LIMCH1: variants seen among roughly 807,000 people sequenced by gnomAD.
LIMCH1 encodes LIM and calponin homology domains-containing protein 1.
A neutral mutation model predicts 176.5 loss-of-function variants in LIMCH1; 113 were observed. That is an observed-to-expected ratio of 0.64 (90% CI 0.55 to 0.75). The LOEUF is 0.75. LIMCH1 is among the 30% of genes least tolerant of loss of function. LIMCH1 has a pLI of 0.00. For missense variants in LIMCH1, 1,674 were observed against 1,814.9 expected (o/e 0.92, Z 1.41); for synonymous variants, 619 against 645.9 (o/e 0.96, Z 0.63).
upstream of LIMCH1, among the ~76,000 whole-genome samples, chr4:41,535,872 TC>T (rs1056805919): frequency 6.6e-6 from 1 of 152,122 alleles, no homozygotes; most frequent in Admixed American, 6.5e-5. Context: ...AGCTTTTTTT[TC>T]CCCAACTTCA....
At chr4:41,458,265 A>G (rs372792290) in intron 1 of LIMCH1, among the ~76,000 whole-genome samples, 52 of 152,350 alleles carry the variant, frequency 3.4e-4, no homozygotes, top group African/African-American at 1.0e-3. Context: ...CTTGCTTCCA[A>G]TTTATTTGCT....
At chr4:41,538,390 G>A (rs887262888) in intron 1 of LIMCH1, 40 bp downstream of exon 1, 1 of 967,178 alleles carries the variant, frequency 1.0e-6, no homozygotes, top group Non-Finnish European at 1.2e-6. Flanking sequence ...ATGCTTAGGG[G>A]TATCCATGAT....
intron 1 of LIMCH1, among the ~76,000 whole-genome samples, chr4:41,547,749 T>C (rs1016978028): frequency 1.4e-5 from 2 of 139,480 alleles, no homozygotes; most frequent in African/African-American, 5.7e-5. Flanking sequence ...ATAAATAATA[T>C]ATAAAAATAT....
intron 1 of LIMCH1, among the ~76,000 whole-genome samples, chr4:41,378,976 G>C (rs2055213626): frequency 1.3e-5 from 2 of 152,172 alleles, no homozygotes; most frequent in Non-Finnish European, 2.9e-5. Context: ...GGTGTAAATA[G>C]TAGAAGGGAC....
chr4:41,550,302 T>TGATCA, intron 1 of LIMCH1, among the ~76,000 whole-genome samples: 1 of 151,742 alleles, frequency 6.6e-6, no homozygotes, highest in African/African-American at 2.4e-5. Context: ...ATGTGGCAGG[T>TGATCA]GATCAATTAA....
intron 1 of LIMCH1, among the ~76,000 whole-genome samples, chr4:41,478,770 G>A (rs987385402): frequency 6.6e-6 from 1 of 152,174 alleles, no homozygotes; most frequent in African/African-American, 2.4e-5. Flanking sequence ...TCGATTTGAT[G>A]GCTAGTATGT....
intron 1 of LIMCH1, among the ~76,000 whole-genome samples, chr4:41,475,204 G>A (rs1387339205): frequency 6.6e-6 from 1 of 152,188 alleles, no homozygotes; most frequent in East Asian, 1.9e-4. Flanking sequence ...TCTATAAGAT[G>A]TTGACTGTTT....
intron 30 of LIMCH1, among the ~76,000 whole-genome samples, chr4:41,690,649 A>G (rs1411836714): frequency 6.6e-6 from 1 of 152,116 alleles, no homozygotes; most frequent in Non-Finnish European, 1.5e-5. Context: ...GCCTGGGTTT[A>G]AAATAACTCC....
chr4:41,414,421 ATATACT>A (rs1375089389), intron 1 of LIMCH1, among the ~76,000 whole-genome samples: 2 of 152,206 alleles, frequency 1.3e-5, no homozygotes, highest in Non-Finnish European at 2.9e-5. Context: ...ATTCCATGAA[ATATACT>A]TATAAGCCTC....
intron 9 of LIMCH1, among the ~76,000 whole-genome samples, chr4:41,630,938 G>A (rs911039726): frequency 5.9e-5 from 9 of 152,110 alleles, no homozygotes; most frequent in African/African-American, 1.9e-4. Context: ...CTTAGTGCAC[G>A]GCAAATTCAA....
chr4:41,686,576 C>T (rs1720946889), intron 28 of LIMCH1, among the ~76,000 whole-genome samples: 1 of 152,152 alleles, frequency 6.6e-6, no homozygotes, highest in South Asian at 2.1e-4. Flanking sequence ...ATCATTCTAC[C>T]TAGAGCCAGA....
At chr4:41,396,679 T>A (rs1168093037) in intron 1 of LIMCH1, among the ~76,000 whole-genome samples, 1 of 152,100 alleles carries the variant, frequency 6.6e-6, no homozygotes, top group East Asian at 1.9e-4. Context: ...GGTGGGCAGA[T>A]CACTTGAGGT....
At chr4:41,589,743 A>G (rs1219643218) in intron 1 of LIMCH1, among the ~76,000 whole-genome samples, 3 of 152,098 alleles carry the variant, frequency 2.0e-5, no homozygotes. Flanking sequence ...TCTCCCAGGA[A>G]ATATCCTGCT....
chr4:41,553,994 G>A (rs2080896647), intron 1 of LIMCH1, among the ~76,000 whole-genome samples: 1 of 152,270 alleles, frequency 6.6e-6, no homozygotes, highest in Admixed American at 6.5e-5. Flanking sequence ...GCTGTGGTGT[G>A]GTGGCCAGCT....
intron 1 of LIMCH1, among the ~76,000 whole-genome samples, chr4:41,585,858 A>G (rs1480543549): frequency 1.3e-5 from 2 of 152,214 alleles, no homozygotes; most frequent in African/African-American, 2.4e-5. Context: ...AGCACAATAT[A>G]TGACTCATGT....
intron 1 of LIMCH1, among the ~76,000 whole-genome samples, chr4:41,419,123 GTTTTA>G (rs148393298): frequency 0.6 from 88,501 of 146,642 alleles, 28,615 homozygotes; most frequent in East Asian, 0.75. Flanking sequence ...ACTACGTTTT[GTTTTA>G]TTTTATTTTA....
chr4:41,690,868 C>A (rs895836869), intron 30 of LIMCH1, among the ~76,000 whole-genome samples: 2 of 152,136 alleles, frequency 1.3e-5, no homozygotes, highest in African/African-American at 2.4e-5. Flanking sequence ...CCACAAAGGA[C>A]AAGCAAAAAT....
rs1332123297 is a variant in LIMCH1 at position 41,699,913 on chromosome 4, A to T, written c.*2728A>T. 2 of 152,230 alleles carry T rather than the reference A, an allele frequency of 1.3e-5. No individual in the cohort carries two copies. The highest frequency in any genetic ancestry group is 2.9e-5 in the Non-Finnish European group (2 of 68,040). The allele number at this position is 152,230 out of a possible 1,614,324, so 9.4% of individuals were successfully genotyped here. On this transcript the variant is annotated 3_prime_UTR_variant, in exon 32 of 32. Transcript: ENST00000503057. ...GGTGGGCCAGTGTTCTATATCGGTT[A>T]TACTAACTTTCATTTAAAGTATTTA...
At chr4:41,473,536 AC>A (rs1217499286) in intron 1 of LIMCH1, among the ~76,000 whole-genome samples, 1 of 152,200 alleles carries the variant, frequency 6.6e-6, no homozygotes, top group Non-Finnish European at 1.5e-5. Context: ...CCTTTATCTC[AC>A]CCTGATACAA....
Sources: gnomAD v4.1 joint callset for allele counts (sites outside exome capture counted in the v4.1 genomes callset) on GRCh38, gnomAD v4.1.1 for gene constraint, MANE v1.5 for transcripts, NCBI Gene and HGNC (gene_info 2026-07-23, HGNC 2026-07-21) for gene names.